CHP2: variants seen among roughly 807,000 people sequenced by gnomAD.
The protein encoded by CHP2 is calcineurin like EF-hand protein 2.
Under a neutral mutation model 24.7 loss-of-function variants are expected in CHP2, and 31 were observed. The observed-to-expected ratio is 1.26, with a 90% confidence interval of 0.94 to 1.69. The LOEUF (loss-of-function observed/expected upper bound fraction) is 1.69, where lower values mean the gene tolerates loss of function less well. Among genes scored for constraint, CHP2 ranks in the 40% most tolerant of loss-of-function variants. The probability of loss-of-function intolerance (pLI) is 0.00; values close to 1 mark genes in which losing one functional copy is unlikely to be tolerated. For synonymous variants in CHP2, 97 were observed against 99.1 expected (o/e 0.98, Z 0.13); for missense variants, 319 against 261.5 (o/e 1.22, Z -1.52).
At chr16:23,757,444 G>C in intron 6 of CHP2, 86 bp from the exon 7 acceptor site, 1 of 1,578,616 alleles carries the variant, frequency 6.3e-7, no homozygotes, top group Non-Finnish European at 8.7e-7. Context: ...TGGGGTCTCT[G>C]GAATGGGTAG....
Position 23,756,331 on chromosome 16 carries a change from G to A in CHP2, c.353-57G>A, listed in dbSNP as rs1356383721. ...CAAGGTGGGGGGAAGGAAGGTGGCT[G>A]CTGGAAGAGAGCCAGGGAAGACCTA... On this transcript the variant is annotated intron_variant, in intron 4 of 6. Coordinates refer to ENST00000300113, the MANE Select transcript of CHP2 (RefSeq NM_022097.4). 4 of 1,588,698 alleles carry A rather than the reference G, an allele frequency of 2.5e-6. No individual in the cohort carries two copies. The African/African-American group carries it at 5.4e-5, about 21-fold the overall frequency.
chr16:23,755,887 C>A lies in CHP2; in HGVS notation c.181C>A (p.Pro61Thr), dbSNP rs1447311295. 4.3e-6 allele frequency: 7 copies of A among 1,614,098 alleles called. No individual in the cohort carries two copies. The East Asian group carries it at 8.9e-5, about 21-fold the overall frequency. ...GCAGATAGGGGCGCTCGCCGTGAAC[C>A]CCCTGGGAGACCGAATTATAGAAAG... Reference protein sequence around the residue: ...LQQIGALAVNPLGDRIIESFF... With the variant: ...LQQIGALAVNTLGDRIIESFF... The change falls in exon 3 of 7, where the codon CCC (proline) becomes ACC (threonine). Residue 61 changes from proline (P) to threonine (T), a missense_variant. Physicochemically the swap from Pro to Thr is conservative, Grantham distance 38. Transcript: ENST00000300113.
chr16:23,757,424 C>T (rs2141044642), intron 6 of CHP2, 101 bp downstream of exon 6: 2 of 1,583,164 alleles, frequency 1.3e-6, no homozygotes, highest in Non-Finnish European at 8.7e-7. Context: ...TAGGGGTTGC[C>T]TGGGAATGAT....
At chr16:23,755,235 C>G (rs1349004137) in intron 1 of CHP2, 119 bp downstream of exon 1, 20 of 726,240 alleles carry the variant, frequency 2.8e-5, no homozygotes, top group Non-Finnish European at 1.3e-5. Context: ...CGGGGCTCCC[C>G]GGAGCTGGAA....
In CHP2 at chr16:23,758,491, G is replaced by A. The variant is rs917520442; in HGVS notation, c.*908G>A. The A allele has an allele frequency of 6.6e-6, 1 of 152,142 alleles. No homozygotes were observed. The highest frequency in any genetic ancestry group is 1.5e-5 in the Non-Finnish European group (1 of 68,038). 9.4% of individuals were successfully genotyped at this position (152,142 alleles called of 1,614,324 possible). On this transcript the variant is annotated 3_prime_UTR_variant, in exon 7 of 7. Coordinates refer to ENST00000300113, the MANE Select transcript of CHP2 (RefSeq NM_022097.4). ...TTCAGGAAGGCTCTTTCCTAGTGAT[G>A]GAGATGACCACCATCAGCTCCAGGC...
At position 23,755,844 on chromosome 16, in the gene CHP2, C is replaced by A; in HGVS notation, c.141-3C>A. The A allele has an allele frequency of 6.2e-7, 1 of 1,614,178 alleles. No homozygotes were observed. Among genetic ancestry groups the A allele is most frequent in the Non-Finnish European group, 8.5e-7 (1 of 1,180,030 alleles). On this transcript the variant is annotated splice_region_variant and splice_polypyrimidine_tract_variant and intron_variant, in intron 2 of 6. Coordinates refer to ENST00000300113, the MANE Select transcript of CHP2 (RefSeq NM_022097.4). ...TTACCCTCTTTGAAATTTGGCTTTG[C>A]AGCCGCATGGATCTCCAGCAGATAG... is the stretch of plus-strand genomic sequence containing the variant.
Position 23,755,092 on chromosome 16 carries a change from GA to G in CHP2, c.44del (p.Asp15AlafsTer32). 1.2e-6 allele frequency: 2 copies of G among 1,602,702 alleles called. No individual in the cohort carries two copies. The highest frequency in any genetic ancestry group is 4.6e-5 in the East Asian group (2 of 43,790). Reference protein sequence around the residue: ...SSHAAVIPDGDSIRRETGFSQ... With the variant: ...SSHAAVIPDGXSIRRETGFSQ... ...CCACGCCGCGGTCATTCCCGACGGG[GA>G]CAGTATTCGGCGAGAGACCGGCTGT... On this transcript the variant is annotated frameshift_variant, in exon 1 of 7. Transcript: ENST00000300113. LOFTEE classifies it high-confidence loss of function.
intron 1 of CHP2, 52 bp downstream of exon 1, chr16:23,755,168 T>G: frequency 1.4e-6 from 2 of 1,389,578 alleles, no homozygotes; most frequent in Non-Finnish European, 2.0e-6. Flanking sequence ...AACCCAGGCG[T>G]CTGGGGCTAG....
At chr16:23,757,419 G>T (rs1961241197) in intron 6 of CHP2, 96 bp downstream of exon 6, 7 of 1,584,122 alleles carry the variant, frequency 4.4e-6, no homozygotes, top group African/African-American at 2.7e-5. Flanking sequence ...AAAGATAGGG[G>T]TTGCCTGGGA....
At chr16:23,755,993 G>T in intron 3 of CHP2, 66 bp downstream of exon 3, 1 of 1,613,776 alleles carries the variant, frequency 6.2e-7, no homozygotes, top group South Asian at 1.1e-5. Context: ...TGGGAGGGGA[G>T]GTTAGAGACG....
intron 1 of CHP2, chr16:23,755,373 C>T (rs1406413368): frequency 8.4e-6 from 5 of 597,704 alleles, no homozygotes; most frequent in African/African-American, 7.4e-5. Context: ...ACCCAGGTGT[C>T]CTCCAGCCCG....
chr16:23,756,447 C>T lies in CHP2; in HGVS notation c.412C>T (p.Gln138Ter). ...GAAGATCTCCAGGCATGAGATGCTGCAGGTTGGCAGAAAGCGAGAGCAAGA... is the reference window on the plus strand; with the variant it reads ...GAAGATCTCCAGGCATGAGATGCTGTAGGTTGGCAGAAAGCGAGAGCAAGA... ...DGKISRHEMLQVLRLMVGVQV... is the reference protein window; with the variant it reads ...DGKISRHEML The change falls in exon 5 of 7, where the codon CAG (glutamine) becomes TAG (stop). Residue 138 changes from glutamine to a stop codon, truncating the protein, a stop_gained and splice_region_variant. Coordinates refer to ENST00000300113, the MANE Select transcript of CHP2 (RefSeq NM_022097.4). LOFTEE classifies it high-confidence loss of function. 1 of 1,613,126 alleles carries T rather than the reference C, an allele frequency of 6.2e-7. No homozygotes were observed. Among genetic ancestry groups the T allele is most frequent in the Non-Finnish European group, 8.5e-7 (1 of 1,179,278 alleles).
In CHP2 at chr16:23,758,048, T is replaced by C. The variant is rs1333981278; in HGVS notation, c.*465T>C. On this transcript the variant is annotated 3_prime_UTR_variant, in exon 7 of 7. Transcript: ENST00000300113. ...CAATCTAGATCCTTTGGTGTGCAGTTCACAGTAGGATTTGGGCTCCTATGA... is the reference window on the plus strand; with the variant it reads ...CAATCTAGATCCTTTGGTGTGCAGTCCACAGTAGGATTTGGGCTCCTATGA... 7 of 191,906 alleles carry C rather than the reference T, an allele frequency of 3.6e-5. No homozygotes were observed. The highest frequency in any genetic ancestry group is 6.6e-5 in the Non-Finnish European group (6 of 91,574). 11.9% of individuals were successfully genotyped at this position (191,906 alleles called of 1,614,324 possible). A position where few individuals can be genotyped will look rare whatever the true frequency, so the allele number is the denominator to read the frequency against.
intron 1 of CHP2, 115 bp downstream of exon 1, chr16:23,755,231 T>C: frequency 1.4e-6 from 1 of 734,744 alleles, no homozygotes; most frequent in South Asian, 1.8e-5. Flanking sequence ...GGTCCGGGGC[T>C]CCCCGGAGCT....
At position 23,758,360 on chromosome 16, in the gene CHP2, A is replaced by T. The variant is rs1017691398; in HGVS notation, c.*777A>T. On this transcript the variant is annotated 3_prime_UTR_variant, in exon 7 of 7. Coordinates refer to ENST00000300113, the MANE Select transcript of CHP2 (RefSeq NM_022097.4). Reference sequence around the variant, plus strand: ...AATTCAGGTAATTAAAAAGTCCAGAAGTATCTGCCTTTAGGCACAGCTGGA... The same window carrying T: ...AATTCAGGTAATTAAAAAGTCCAGATGTATCTGCCTTTAGGCACAGCTGGA... 2 of 152,258 alleles carry T rather than the reference A, an allele frequency of 1.3e-5. No individual in the cohort carries two copies. The highest frequency in any genetic ancestry group is 6.5e-5 in the Admixed American group (1 of 15,276). The allele number at this position is 152,258 out of a possible 1,614,324, so 9.4% of individuals were successfully genotyped here.
At chr16:23,757,414 T>C in intron 6 of CHP2, 91 bp downstream of exon 6, 6 of 1,586,410 alleles carry the variant, frequency 3.8e-6, no homozygotes, top group Middle Eastern at 1.9e-4. Context: ...GGCGGAAAGA[T>C]AGGGGTTGCC....
intron 3 of CHP2, 42 bp downstream of exon 3, chr16:23,755,969 G>C (rs748464346): frequency 6.2e-7 from 1 of 1,613,784 alleles, no homozygotes; most frequent in South Asian, 1.1e-5. Context: ...CGGGAAAACC[G>C]GTGTGTGAGT....
chr16:23,758,907 T>G lies in CHP2; in HGVS notation c.*1324T>G, dbSNP rs1597178743. ...GCTTGATGCAGTAGGGAAGAGACGA[T>G]GTAAAAATAATAAACAATATATACC... On this transcript the variant is annotated 3_prime_UTR_variant, in exon 7 of 7. Coordinates refer to ENST00000300113, the MANE Select transcript of CHP2 (RefSeq NM_022097.4). 6.6e-6 allele frequency: 1 copy of G among 152,312 alleles called. No individual in the cohort carries two copies. The highest frequency in any genetic ancestry group is 2.1e-4 in the South Asian group (1 of 4,828). The allele number at this position is 152,312 out of a possible 1,614,324, so 9.4% of individuals were successfully genotyped here. A position where few individuals can be genotyped will look rare whatever the true frequency, so the allele number is the denominator to read the frequency against.
At position 23,757,376 on chromosome 16, in the gene CHP2, C is replaced by A. The variant is rs572508526; in HGVS notation, c.537+53C>A. 40 of 1,594,082 alleles carry A rather than the reference C, an allele frequency of 2.5e-5. No individual in the cohort carries two copies. In the African/African-American group the frequency reaches 4.6e-4, roughly 18 times the overall value. ...TTGAGATCAGGAGTTCTGGGGCAGA[C>A]AGACTTGGGAAACGTTCAACGGAGG... On this transcript the variant is annotated intron_variant, in intron 6 of 6. Coordinates refer to ENST00000300113, the MANE Select transcript of CHP2 (RefSeq NM_022097.4).
Sources: gnomAD v4.1 joint callset for allele counts on GRCh38, gnomAD v4.1.1 for gene constraint, MANE v1.5 for transcripts, NCBI Gene and HGNC (gene_info 2026-07-23, HGNC 2026-07-21) for gene names.